The following EDRF1 variants were observed in gnomAD, a reference collection of about 807,000 sequenced individuals.
EDRF1 encodes the protein erythroid differentiation regulatory factor 1, also known as erythroid differentiation-related factor 1.
Under a neutral mutation model 148.7 loss-of-function variants are expected in EDRF1, and 69 were observed. The observed-to-expected ratio is 0.46, with a 90% CI of 0.38 to 0.57. The LOEUF is 0.57. Ranked by LOEUF, EDRF1 falls within the 20% of genes least tolerant of loss-of-function variation. The pLI is 0.00. For synonymous variants in EDRF1, 515 were observed against 532.8 expected (o/e 0.97, Z 0.46); for missense variants, 1,118 against 1,478.7 (o/e 0.76, Z 4.00).
chr10:125,753,859 T>C lies in EDRF1; in HGVS notation c.3545+14T>C, dbSNP rs763003906. ...AAAGAAAACAAGGTAAATTAAGTGG[T>C]TATTTGTAGGAATTTCTTTCCTAGC... is the stretch of plus-strand genomic sequence containing the variant. On this transcript the variant is annotated intron_variant, in intron 24 of 24. Transcript: ENST00000356792. 1 of 1,611,584 alleles carries C rather than the reference T, an allele frequency of 6.2e-7. No individual in the cohort carries two copies. Among genetic ancestry groups the C allele is most frequent in the Non-Finnish European group, 8.5e-7 (1 of 1,179,488 alleles).
chr10:125,735,842 A>G lies in EDRF1; in HGVS notation c.1696A>G (p.Ile566Val), dbSNP rs372068126. Residue 566 changes from isoleucine to valine, a missense_variant, in exon 13 of 25, where the codon ATA (isoleucine) becomes GTA (valine). By Grantham distance (29) the Ile-to-Val change is conservative. Around this residue, in one of 3 missense-constraint regions of EDRF1, gnomAD observed 954 missense variants for 1,241.4 expected, o/e 0.77. Transcript: ENST00000356792. The stretch of plus-strand genomic sequence containing the variant: ...ATCAGATGATAGCAAAGCAGTAGCT[A>G]TAATCAAGTCTGTTGGAGAACTATC... ...DPSDDSKAVA[I>V]IKSVGELSVP... 13 of 1,613,114 alleles carry G rather than the reference A, an allele frequency of 8.1e-6. No individual in the cohort carries two copies. The highest frequency in any genetic ancestry group is 2.7e-5 in the African/African-American group (2 of 74,906).
At chr10:125,740,191 G>A (rs1387891681) in intron 15 of EDRF1, among the ~76,000 whole-genome samples, 1 of 152,214 alleles carries the variant, frequency 6.6e-6, no homozygotes, top group Non-Finnish European at 1.5e-5. Context: ...AAAGGAGACA[G>A]GTGTCACTCA....
rs551769311 is a variant in EDRF1, at chr10:125,725,758, A to C, written c.712A>C (p.Asn238His). 8 of 1,614,150 alleles carry C rather than the reference A, an allele frequency of 5.0e-6. No individual in the cohort carries two copies. Among genetic ancestry groups the C allele is most frequent in the African/African-American group, 4.0e-5 (3 of 75,040 alleles). ...GGAATCGTCCAGTTCAGATCAGACA[A>C]ATGATTCGGAAGGGGCTTCATGGCC... ...QQESSSSDQT[N>H]DSEGASWPAP... Residue 238 changes from asparagine (N) to histidine (H), a missense_variant, in exon 6 of 25, where the codon AAT (asparagine) becomes CAT (histidine). Physicochemically the swap from Asn to His is moderately conservative, Grantham distance 68. Around this residue, in one of 3 missense-constraint regions of EDRF1, gnomAD observed 954 missense variants for 1,241.4 expected, o/e 0.77. Coordinates refer to ENST00000356792, the MANE Select transcript of EDRF1 (RefSeq NM_001202438.2).
chr10:125,753,595 A>C, intron 23 of EDRF1, 99 bp from the exon 24 acceptor site: 1 of 1,333,568 alleles, frequency 7.5e-7, no homozygotes, highest in Non-Finnish European at 1.1e-6. Context: ...TAGGGTTAAA[A>C]ATGTATTGGA....
chr10:125,725,588 C>A, intron 5 of EDRF1, 94 bp from the exon 6 acceptor site: 1 of 1,570,000 alleles, frequency 6.4e-7, no homozygotes, highest in African/African-American at 1.3e-5. Context: ...AAGATGTATG[C>A]TTAATTACAG....
At position 125,721,305 on chromosome 10, in the gene EDRF1, A is replaced by G; in HGVS notation, c.210A>G (p.Lys70=). 1 of 1,614,230 alleles carries G rather than the reference A, an allele frequency of 6.2e-7. No individual in the cohort carries two copies. The highest frequency in any genetic ancestry group is 8.5e-7 in the Non-Finnish European group (1 of 1,180,052). Reference sequence around the variant, plus strand: ...CAGCATTTGCACGCCTTGAAGAGAAAACAGACTTGAAACTCCCACCTGCCA... The same window carrying G: ...CAGCATTTGCACGCCTTGAAGAGAAGACAGACTTGAAACTCCCACCTGCCA... ...PRTAFARLEE[K]TDLKLPPANW... Residue 70 remains lysine, a synonymous_variant, in exon 2 of 25, where the codon AAA becomes AAG. Transcript: ENST00000356792.
At chr10:125,762,214 C>G (rs1467678208) in intron 24 of EDRF1, among the ~76,000 whole-genome samples, 2 of 152,152 alleles carry the variant, frequency 1.3e-5, no homozygotes, top group Non-Finnish European at 2.9e-5. Context: ...GCCTGACTGG[C>G]AAGCCCTTGG....
At chr10:125,740,892 TAC>T (rs1848984280) in intron 16 of EDRF1, 107 bp from the exon 17 acceptor site, 5 of 1,217,652 alleles carry the variant, frequency 4.1e-6, no homozygotes, top group South Asian at 3.6e-5. Flanking sequence ...ACAGAATAGA[TAC>T]AGTGCTACAA....
chr10:125,747,325 A>G (rs908006597), intron 19 of EDRF1: 1 of 603,586 alleles, frequency 1.7e-6, no homozygotes, highest in African/African-American at 1.8e-5. Flanking sequence ...AGATGGGAAC[A>G]CAGAGTGGTC....
Position 125,735,716 on chromosome 10 carries a change from G to C in EDRF1, c.1570G>C (p.Glu524Gln), listed in dbSNP as rs373321416. The C allele has an allele frequency of 1.1e-5, 17 of 1,613,402 alleles. No homozygotes were observed. In the African/African-American group the frequency reaches 2.3e-4, roughly 22 times the overall value. Residue 524 changes from glutamate (E) to glutamine (Q), a missense_variant, in exon 13 of 25, where the codon GAA becomes CAA. Transcript: ENST00000356792. ...TGAACCTAAAAAGGAAGAAAATTCAGAATCTCCTTTAAATGAGAATTCTGA... is the reference window on the plus strand; with the variant it reads ...TGAACCTAAAAAGGAAGAAAATTCACAATCTCCTTTAAATGAGAATTCTGA... ...LDEPKKEENS[E>Q]SPLNENSDES...
Position 125,745,742 on chromosome 10 carries a change from T to TG in EDRF1, c.2628dup (p.Lys877GlufsTer8), listed in dbSNP as rs1449300585. The TG allele has an allele frequency of 6.2e-7, 1 of 1,614,128 alleles. No individual in the cohort carries two copies. The highest frequency in any genetic ancestry group is 2.2e-5 in the East Asian group (1 of 44,900). On this transcript the variant is annotated frameshift_variant, in exon 19 of 25. Transcript: ENST00000356792. LOFTEE classifies it high-confidence loss of function. ...TGTGTCTGCTGCCGAGCAACAGTTG[T>TG]GGAAAAAAAGCTTTTCTTGTTTTGA... is the stretch of plus-strand genomic sequence containing the variant.
intron 24 of EDRF1, among the ~76,000 whole-genome samples, chr10:125,759,244 A>G (rs1850072020): frequency 6.6e-6 from 1 of 152,076 alleles, no homozygotes; most frequent in African/African-American, 2.4e-5. Context: ...CCACCAACCC[A>G]TTCACTATTT....
chr10:125,737,819 T>C lies in EDRF1; in HGVS notation c.1759-99T>C, dbSNP rs993057147. 3.4e-6 allele frequency: 4 copies of C among 1,175,308 alleles called. No homozygotes were observed. The Admixed American group carries it at 6.8e-5, about 20-fold the overall frequency. The allele number at this position is 1,175,308 out of a possible 1,614,324, so 72.8% of individuals were successfully genotyped here. Reference sequence around the variant, plus strand: ...TGTAGGATCTTTTTAAGCAAGATTTTTGTTGATAATGCTTACAGTAATTTA... The same window carrying C: ...TGTAGGATCTTTTTAAGCAAGATTTCTGTTGATAATGCTTACAGTAATTTA... On this transcript the variant is annotated intron_variant, in intron 13 of 24. Transcript: ENST00000356792.
Position 125,719,766 on chromosome 10 carries a change from T to G in EDRF1, c.-42T>G. 6.5e-7 allele frequency: 1 copy of G among 1,537,832 alleles called. No individual in the cohort carries two copies. The highest frequency in any genetic ancestry group is 8.9e-7 in the Non-Finnish European group (1 of 1,124,986). ...TTTGGGCCTGCGTTGCTGCTGCTGCTCCTCCGCTCCCCCGTCGTATCGCCT... is the reference window on the plus strand; with the variant it reads ...TTTGGGCCTGCGTTGCTGCTGCTGCGCCTCCGCTCCCCCGTCGTATCGCCT... On this transcript the variant is annotated 5_prime_UTR_variant, in exon 1 of 25. Transcript: ENST00000356792.
intron 24 of EDRF1, among the ~76,000 whole-genome samples, chr10:125,760,346 A>C (rs1378879485): frequency 2.0e-5 from 3 of 152,264 alleles, no homozygotes; most frequent in Non-Finnish European, 4.4e-5. Flanking sequence ...TAACTGTAAC[A>C]GTCATATGTA....
intron 24 of EDRF1, among the ~76,000 whole-genome samples, chr10:125,756,249 C>T (rs1849892544): frequency 6.6e-6 from 1 of 152,156 alleles, no homozygotes; most frequent in South Asian, 2.1e-4. Flanking sequence ...GACTTGTTAG[C>T]TATCTTTTGA....
chr10:125,728,179 G>T (rs1848347293), intron 6 of EDRF1, among the ~76,000 whole-genome samples: 2 of 135,958 alleles, frequency 1.5e-5, no homozygotes, highest in African/African-American at 2.6e-5. Context: ...TCTGGCCTGG[G>T]CAACTCTGTC....
chr10:125,739,740 G>A (rs949806261), intron 15 of EDRF1, among the ~76,000 whole-genome samples: 1 of 152,182 alleles, frequency 6.6e-6, no homozygotes, highest in Non-Finnish European at 1.5e-5. Flanking sequence ...GTTATTTGCA[G>A]AGCAAAATTT....
At position 125,753,865 on chromosome 10, in the gene EDRF1, G is replaced by T; in HGVS notation, c.3545+20G>T. On this transcript the variant is annotated intron_variant, in intron 24 of 24. Transcript: ENST00000356792. ...AACAAGGTAAATTAAGTGGTTATTT[G>T]TAGGAATTTCTTTCCTAGCACCCTA... 6.2e-7 allele frequency: 1 copy of T among 1,611,354 alleles called. No homozygotes were observed. The highest frequency in any genetic ancestry group is 1.1e-5 in the South Asian group (1 of 90,962).
Sources: gnomAD v4.1 joint callset for allele counts (sites outside exome capture counted in the v4.1 genomes callset) on GRCh38, gnomAD v4.1.1 for gene constraint, gnomAD v4.1.1 regional missense constraint, MANE v1.5 for transcripts, NCBI Gene and HGNC (gene_info 2026-07-23, HGNC 2026-07-21) for gene names.